The following KLF12 variants were observed in gnomAD, a reference collection of about 807,000 sequenced individuals.
KLF12 encodes Krueppel-like factor 12.
KLF12 carries 9 observed loss-of-function variants against 37.8 expected under a neutral mutation model. The observed-to-expected ratio is 0.24, with a 90% CI of 0.14 to 0.42. The LOEUF (loss-of-function observed/expected upper bound fraction) is 0.42, where lower values mean the gene tolerates loss of function less well. Ranked by LOEUF, KLF12 falls within the 10% of genes least tolerant of loss-of-function variation. The pLI is 1.00. For synonymous variants in KLF12, 208 were observed against 202.1 expected (o/e 1.03, Z -0.25); for missense variants, 411 against 516.0 (o/e 0.80, Z 1.97).
At chr13:74,110,567 C>G (rs566215364) in intron 1 of KLF12, among the ~76,000 whole-genome samples, 1 of 152,156 alleles carries the variant, frequency 6.6e-6, no homozygotes, top group Non-Finnish European at 1.5e-5. Flanking sequence ...ACCCTCCCAA[C>G]AAATGCAAAA....
intron 5 of KLF12, among the ~76,000 whole-genome samples, chr13:73,811,779 G>A (rs1452312142): frequency 1.3e-5 from 2 of 151,954 alleles, no homozygotes; most frequent in Admixed American, 1.3e-4. Flanking sequence ...ATTATATCTT[G>A]TTTTCTCTGA....
intron 3 of KLF12, among the ~76,000 whole-genome samples, chr13:73,872,907 G>C (rs1337177964): frequency 6.6e-6 from 1 of 152,176 alleles, no homozygotes; most frequent in South Asian, 2.1e-4. Flanking sequence ...AGACACAGAA[G>C]ACATGAGTGA....
intron 1 of KLF12, among the ~76,000 whole-genome samples, chr13:74,009,060 C>A (rs1892483273): frequency 6.6e-6 from 1 of 152,124 alleles, no homozygotes; most frequent in Non-Finnish European, 1.5e-5. Context: ...CCAAAGCTGG[C>A]CGAGGATGGA....
At chr13:73,980,504 A>G (rs1891663124) in intron 2 of KLF12, among the ~76,000 whole-genome samples, 1 of 152,222 alleles carries the variant, frequency 6.6e-6, no homozygotes, top group Admixed American at 6.5e-5. Flanking sequence ...GTTGAATAGA[A>G]AAAGCATTAA....
intron 1 of KLF12, among the ~76,000 whole-genome samples, chr13:74,014,484 G>A (rs1593830925): frequency 6.6e-6 from 1 of 152,120 alleles, no homozygotes; most frequent in Non-Finnish European, 1.5e-5. Flanking sequence ...CTCAAATATT[G>A]AACATGCGTA....
the KLF12 span, among the ~76,000 whole-genome samples, chr13:74,151,328 G>A: frequency 1.3e-5 from 2 of 152,084 alleles, no homozygotes; most frequent in Admixed American, 6.6e-5. Context: ...TTTTGTCAGT[G>A]GATAAAAGCT....
intron 3 of KLF12, among the ~76,000 whole-genome samples, chr13:73,876,384 ACT>A (rs1248596990): frequency 2.0e-5 from 3 of 150,616 alleles, no homozygotes; most frequent in African/African-American, 7.3e-5. Context: ...GCTTGAGAAA[ACT>A]CTCTTCCCTT....
intron 1 of KLF12, among the ~76,000 whole-genome samples, chr13:74,071,386 A>G (rs1233568546): frequency 6.6e-6 from 1 of 152,118 alleles, no homozygotes; most frequent in East Asian, 1.9e-4. Flanking sequence ...AACTTCATCA[A>G]GTTTTAAGAA....
At chr13:73,756,931 T>C (rs1005999858) in intron 6 of KLF12, among the ~76,000 whole-genome samples, 6 of 152,276 alleles carry the variant, frequency 3.9e-5, no homozygotes, top group Admixed American at 3.3e-4. Context: ...ATCCTCTTCT[T>C]TACTTTTGTC....
intron 6 of KLF12, among the ~76,000 whole-genome samples, chr13:73,761,908 G>A (rs1487498233): frequency 2.6e-5 from 4 of 152,162 alleles, no homozygotes; most frequent in African/African-American, 4.8e-5. Context: ...AAATTCACAC[G>A]ACCAAACCCC....
intron 7 of KLF12, among the ~76,000 whole-genome samples, chr13:73,699,044 C>T (rs537331101): frequency 6.6e-6 from 1 of 151,962 alleles, no homozygotes; most frequent in Non-Finnish European, 1.5e-5. Context: ...TTCTGGGCAA[C>T]AGGAAATGAG....
the KLF12 span, among the ~76,000 whole-genome samples, chr13:74,304,142 G>A: frequency 6.6e-6 from 1 of 152,146 alleles, no homozygotes; most frequent in Admixed American, 6.6e-5. Flanking sequence ...TACACTGGCT[G>A]CAGCTCTGTG....
chr13:74,133,705 G>C, intron 1 of KLF12, among the ~76,000 whole-genome samples: 1 of 150,636 alleles, frequency 6.6e-6, no homozygotes, highest in East Asian at 1.9e-4. Context: ...GGAGGGGGTT[G>C]TTTATTTTGA....
intron 3 of KLF12, among the ~76,000 whole-genome samples, chr13:73,932,393 T>C (rs967845812): frequency 1.2e-4 from 18 of 152,176 alleles, no homozygotes; most frequent in African/African-American, 4.3e-4. Context: ...TAGTAAGACA[T>C]GAAACAGATC....
chr13:74,070,481 A>C (rs1874165714), intron 1 of KLF12, among the ~76,000 whole-genome samples: 2 of 151,234 alleles, frequency 1.3e-5, no homozygotes, highest in Admixed American at 6.6e-5. Context: ...AAACAGAGGA[A>C]TATGGGGTTT....
the KLF12 span, among the ~76,000 whole-genome samples, chr13:74,262,261 T>C: frequency 0.041 from 6,301 of 152,322 alleles, 145 homozygotes; most frequent in Middle Eastern, 0.071. Context: ...GTGAAAGGCA[T>C]CACTCATAAT....
At chr13:73,939,234 C>T (rs1890083827) in intron 3 of KLF12, among the ~76,000 whole-genome samples, 1 of 152,178 alleles carries the variant, frequency 6.6e-6, no homozygotes. Context: ...AGAAATGTTG[C>T]TTTCAGGTCT....
chr13:73,693,839 C>T lies in KLF12; in HGVS notation c.*1651G>A, dbSNP rs949905282. On this transcript the variant is annotated 3_prime_UTR_variant, in exon 8 of 8. Coordinates refer to ENST00000377669, the MANE Select transcript of KLF12 (RefSeq NM_007249.5). ...AAAAATCTCACCAGCCCCTCAGCCA[C>T]AGAAAGCTGGAAAAAAACCCAGCTT... 6 of 152,646 alleles carry T rather than the reference C, an allele frequency of 3.9e-5. No homozygotes were observed. Among genetic ancestry groups the T allele is most frequent in the Admixed American group, 3.3e-4 (5 of 15,288 alleles). The allele number at this position is 152,646 out of a possible 1,614,324, so 9.5% of individuals were successfully genotyped here. A position where few individuals can be genotyped will look rare whatever the true frequency, so the allele number is the denominator to read the frequency against.
intron 5 of KLF12, among the ~76,000 whole-genome samples, chr13:73,789,731 C>T (rs545540728): frequency 6.7e-6 from 1 of 149,252 alleles, no homozygotes; most frequent in South Asian, 2.1e-4. Context: ...GGCTGGAGTG[C>T]GGTGGTGCCA....
Sources: gnomAD v4.1 joint callset for allele counts (sites outside exome capture counted in the v4.1 genomes callset) on GRCh38, gnomAD v4.1.1 for gene constraint, MANE v1.5 for transcripts, NCBI Gene and HGNC (gene_info 2026-07-23, HGNC 2026-07-21) for gene names.